Variants in GALNT13 observed in about 807,000 individuals in gnomAD.
The protein encoded by GALNT13 is polypeptide N-acetylgalactosaminyltransferase 13.
In GALNT13, 28 loss-of-function variants were observed where a neutral mutation model predicts 64.2. That is an observed-to-expected ratio of 0.44 (90% confidence interval 0.32 to 0.60). GALNT13 has a LOEUF of 0.60. GALNT13 is among the 20% of genes least tolerant of loss of function. The pLI, the probability that GALNT13 is intolerant of heterozygous loss-of-function variation, is 0.05. For synonymous variants in GALNT13, 214 were observed against 224.6 expected (o/e 0.95, Z 0.42); for missense variants, 577 against 669.8 (o/e 0.86, Z 1.53).
the GALNT13 span, among the ~76,000 whole-genome samples, chr2:153,525,571 G>C: frequency 3.3e-5 from 5 of 152,170 alleles, no homozygotes; most frequent in Non-Finnish European, 5.9e-5. Flanking sequence ...TCACTGAAGT[G>C]TGAACCCCGT....
chr2:154,308,159 A>G (rs1693842871), intron 9 of GALNT13, among the ~76,000 whole-genome samples: 1 of 152,044 alleles, frequency 6.6e-6, no homozygotes, highest in Non-Finnish European at 1.5e-5. Context: ...TGTGACTTGG[A>G]AAAATACATT....
chr2:154,117,730 A>G (rs1681678746), intron 3 of GALNT13, among the ~76,000 whole-genome samples: 1 of 152,194 alleles, frequency 6.6e-6, no homozygotes, highest in African/African-American at 2.4e-5. Flanking sequence ...AAAAACATAA[A>G]GTGGGGGAAA....
the GALNT13 span, among the ~76,000 whole-genome samples, chr2:153,583,068 A>G: frequency 6.6e-6 from 1 of 152,276 alleles, no homozygotes; most frequent in East Asian, 1.9e-4. Flanking sequence ...AATCACAAAC[A>G]TTATAAATGC....
the GALNT13 span, among the ~76,000 whole-genome samples, chr2:153,481,536 G>C: frequency 1.3e-5 from 2 of 152,140 alleles, no homozygotes; most frequent in African/African-American, 2.4e-5. Context: ...TTAAAGCAAA[G>C]ATTTTTGATA....
chr2:153,443,307 C>T, the GALNT13 span, among the ~76,000 whole-genome samples: 1 of 152,122 alleles, frequency 6.6e-6, no homozygotes, highest in Non-Finnish European at 1.5e-5. Context: ...GGAGGGAGTT[C>T]CCAGATCCCT....
intron 3 of GALNT13, among the ~76,000 whole-genome samples, chr2:154,047,616 C>T (rs1279779602): frequency 2.0e-5 from 3 of 152,156 alleles, no homozygotes; most frequent in African/African-American, 4.8e-5. Context: ...TTAATAAATA[C>T]AACAGCACCT....
chr2:153,669,179 C>T, the GALNT13 span, among the ~76,000 whole-genome samples: 134,949 of 152,126 alleles, frequency 0.89, 59,911 homozygotes, highest in East Asian at 0.92. Flanking sequence ...ACACACCAGC[C>T]CATCTGCACC....
intron 3 of GALNT13, among the ~76,000 whole-genome samples, chr2:153,978,261 G>A (rs1421526780): frequency 6.6e-6 from 1 of 152,140 alleles, no homozygotes; most frequent in Admixed American, 6.5e-5. Flanking sequence ...AGTAGCATAA[G>A]GACAGAAAAT....
At chr2:154,398,598 T>C (rs773527985) in intron 10 of GALNT13, among the ~76,000 whole-genome samples, 27 of 152,190 alleles carry the variant, frequency 1.8e-4, no homozygotes, top group Admixed American at 7.2e-4. Flanking sequence ...TTTCATAGCA[T>C]CTAAAAGAGG....
the GALNT13 span, among the ~76,000 whole-genome samples, chr2:153,514,645 A>T: frequency 6.6e-6 from 1 of 152,092 alleles, no homozygotes; most frequent in Non-Finnish European, 1.5e-5. Flanking sequence ...AGAGGAACTT[A>T]CCAGGATTTC....
At chr2:153,733,636 G>GATCTTAGAATAATTAGAA in the GALNT13 span, among the ~76,000 whole-genome samples, 1 of 152,120 alleles carries the variant, frequency 6.6e-6, no homozygotes, top group Non-Finnish European at 1.5e-5. Flanking sequence ...TAGAATGAAT[G>GATCTTAGAATAATTAGAA]TTATTAGATC....
At chr2:154,357,821 A>G (rs762109290) in intron 9 of GALNT13, among the ~76,000 whole-genome samples, 1 of 152,066 alleles carries the variant, frequency 6.6e-6, no homozygotes, top group Non-Finnish European at 1.5e-5. Flanking sequence ...TTCATGGAGG[A>G]TAATGATGGT....
At chr2:153,450,528 A>G in the GALNT13 span, among the ~76,000 whole-genome samples, 1 of 151,904 alleles carries the variant, frequency 6.6e-6, no homozygotes, top group Non-Finnish European at 1.5e-5. Context: ...GTATTGGATG[A>G]TAAGTTCTGA....
At position 154,423,159 on chromosome 2, in the gene GALNT13, G is replaced by A. The variant is rs139266357; in HGVS notation, c.1395+14077G>A. Among the ~76,000 whole-genome samples, 896 of 149,608 alleles carry A rather than the reference G, an allele frequency of 6.0e-3. 8 individuals are homozygous for A. Among genetic ancestry groups the A allele is most frequent in the South Asian group, 0.043 (203 of 4,696 alleles). Reference sequence around the variant, plus strand: ...TTCTCACCTATGAGTGAGAACATGCGGTGTTTGGTTTTCTGTCTTGTGATA... The same window carrying A: ...TTCTCACCTATGAGTGAGAACATGCAGTGTTTGGTTTTCTGTCTTGTGATA... On this transcript the variant is annotated intron_variant, in intron 11 of 12. Transcript: ENST00000392825.
At chr2:153,772,659 A>T in the GALNT13 span, among the ~76,000 whole-genome samples, 1 of 152,102 alleles carries the variant, frequency 6.6e-6, no homozygotes, top group Non-Finnish European at 1.5e-5. Flanking sequence ...CATCCTGGGG[A>T]AAAAAAGGTT....
At chr2:154,138,829 A>G (rs778006179) in intron 3 of GALNT13, among the ~76,000 whole-genome samples, 3 of 152,054 alleles carry the variant, frequency 2.0e-5, no homozygotes, top group Non-Finnish European at 4.4e-5. Flanking sequence ...TATTACATAT[A>G]CTAACACCTA....
chr2:154,100,295 G>A (rs1419185480), intron 3 of GALNT13, among the ~76,000 whole-genome samples: 1 of 152,008 alleles, frequency 6.6e-6, no homozygotes, highest in East Asian at 1.9e-4. Context: ...AGATTTCTTT[G>A]GGCAGTGTGG....
intron 4 of GALNT13, among the ~76,000 whole-genome samples, chr2:154,240,917 T>C (rs769144173): frequency 8.5e-5 from 13 of 152,170 alleles, no homozygotes; most frequent in African/African-American, 2.4e-4. Context: ...GGTTTTCCCC[T>C]GGAGTCCAGC....
At chr2:154,153,928 G>A (rs1006241931) in intron 4 of GALNT13, among the ~76,000 whole-genome samples, 6 of 152,204 alleles carry the variant, frequency 3.9e-5, no homozygotes, top group African/African-American at 1.2e-4. Context: ...CGCAGGATGC[G>A]CTGCACCCAC....
Sources: gnomAD v4.1 joint callset for allele counts (sites outside exome capture counted in the v4.1 genomes callset) on GRCh38, gnomAD v4.1.1 for gene constraint, MANE v1.5 for transcripts, NCBI Gene and HGNC (gene_info 2026-07-23, HGNC 2026-07-21) for gene names.